The following ZFHX3 variants were observed in gnomAD, a reference collection of about 807,000 sequenced individuals.
ZFHX3 encodes the protein zinc finger homeobox 3.
Under a neutral mutation model 279.1 loss-of-function variants are expected in ZFHX3, and 42 were observed. The observed-to-expected ratio is 0.15, with a 90% CI of 0.12 to 0.19. ZFHX3 has a LOEUF of 0.19. ZFHX3 is among the 10% of genes least tolerant of loss of function. The pLI is 1.00. For missense variants in ZFHX3, 4,981 were observed against 4,754.0 expected (o/e 1.05, Z -1.40); for synonymous variants, 2,293 against 1,957.8 (o/e 1.17, Z -4.52).
intron 1 of ZFHX3, among the ~76,000 whole-genome samples, chr16:73,695,764 C>T (rs376604979): frequency 3.9e-5 from 6 of 152,296 alleles, no homozygotes; most frequent in Admixed American, 3.3e-4. Context: ...GCCTGGCTCA[C>T]AGCAGGTGCT....
intron 3 of ZFHX3, among the ~76,000 whole-genome samples, chr16:73,450,756 G>A (rs2143558435): frequency 6.6e-6 from 1 of 152,318 alleles, no homozygotes; most frequent in African/African-American, 2.4e-5. Context: ...TGCATTTGCA[G>A]ATTAACAGCT....
intron 1 of ZFHX3, among the ~76,000 whole-genome samples, chr16:73,830,655 C>A (rs1048079134): frequency 2.6e-5 from 4 of 152,204 alleles, no homozygotes; most frequent in Middle Eastern, 3.2e-3. Flanking sequence ...ATTTGCCTCT[C>A]TTCTCTTCTA....
chr16:72,803,311 G>A (rs531314429), intron 7 of ZFHX3, among the ~76,000 whole-genome samples: 18 of 152,224 alleles, frequency 1.2e-4, no homozygotes, highest in South Asian at 2.1e-4. Flanking sequence ...CAGCCTGGGC[G>A]ACAGAGTGAG....
intron 3 of ZFHX3, among the ~76,000 whole-genome samples, chr16:72,940,219 G>C (rs574890462): frequency 6.6e-6 from 1 of 152,096 alleles, no homozygotes; most frequent in East Asian, 1.9e-4. Flanking sequence ...AAGTTTTTTA[G>C]TAACACATTA....
At chr16:73,252,740 A>G (rs890569012) in intron 5 of ZFHX3, among the ~76,000 whole-genome samples, 3 of 152,176 alleles carry the variant, frequency 2.0e-5, no homozygotes, top group Non-Finnish European at 2.9e-5. Context: ...AGACGTCAGG[A>G]CAGGTTAAAG....
intron 1 of ZFHX3, among the ~76,000 whole-genome samples, chr16:73,817,547 G>A (rs1485662020): frequency 2.0e-5 from 3 of 152,186 alleles, no homozygotes; most frequent in Non-Finnish European, 2.9e-5. Context: ...GAGAGATTGG[G>A]AAGTTCAAGT....
chr16:73,746,239 A>G (rs1472302582), intron 1 of ZFHX3, among the ~76,000 whole-genome samples: 2 of 152,044 alleles, frequency 1.3e-5, no homozygotes, highest in Non-Finnish European at 2.9e-5. Flanking sequence ...GCTGAGCACT[A>G]TGTTACTCTT....
intron 1 of ZFHX3, among the ~76,000 whole-genome samples, chr16:73,834,053 G>A (rs902479532): frequency 6.6e-6 from 1 of 152,024 alleles, no homozygotes; most frequent in Admixed American, 6.5e-5. Flanking sequence ...GAAAGGAGGA[G>A]GGAGACATTA....
At chr16:73,558,649 G>A (rs2020322488) in intron 2 of ZFHX3, 1 of 152,126 alleles carries the variant, frequency 6.6e-6, no homozygotes, top group African/African-American at 2.4e-5. Flanking sequence ...CTCCAAGGAT[G>A]GGCTCTGCAT....
intron 4 of ZFHX3, among the ~76,000 whole-genome samples, chr16:72,836,057 A>C (rs1291121467): frequency 6.6e-6 from 1 of 152,236 alleles, no homozygotes; most frequent in East Asian, 1.9e-4. Flanking sequence ...TTTTAACGGA[A>C]CACAATCTGC....
intron 2 of ZFHX3, among the ~76,000 whole-genome samples, chr16:73,531,280 G>C (rs1023045983): frequency 6.6e-6 from 1 of 152,118 alleles, no homozygotes; most frequent in Admixed American, 6.5e-5. Context: ...AACCTTTCAG[G>C]TCAACGTCTT....
chr16:73,028,764 G>GCAGGGGCCCT (rs1964598221), intron 1 of ZFHX3, among the ~76,000 whole-genome samples: 1 of 147,960 alleles, frequency 6.8e-6, no homozygotes, highest in Admixed American at 6.7e-5. Flanking sequence ...GAAAAAGTGA[G>GCAGGGGCCCT]CAGGGGCCCT....
intron 1 of ZFHX3, among the ~76,000 whole-genome samples, chr16:72,970,486 G>A (rs945237478): frequency 6.6e-6 from 1 of 152,038 alleles, no homozygotes; most frequent in African/African-American, 2.4e-5. Context: ...GGCTTGACTG[G>A]TGCTCCTGAC....
At chr16:73,031,143 T>C (rs973217404) in intron 1 of ZFHX3, among the ~76,000 whole-genome samples, 1 of 152,234 alleles carries the variant, frequency 6.6e-6, no homozygotes, top group African/African-American at 2.4e-5. Flanking sequence ...AGACTAACAA[T>C]GGCACTTGGT....
At chr16:73,307,139 C>A (rs990220031) in intron 4 of ZFHX3, among the ~76,000 whole-genome samples, 1 of 152,170 alleles carries the variant, frequency 6.6e-6, no homozygotes, top group Non-Finnish European at 1.5e-5. Flanking sequence ...TTCATACATC[C>A]CAACATGTTT....
chr16:73,511,109 T>C (rs1357348080), intron 2 of ZFHX3, among the ~76,000 whole-genome samples: 1 of 152,214 alleles, frequency 6.6e-6, no homozygotes, highest in African/African-American at 2.4e-5. Context: ...CACCTGTAAG[T>C]TGGCTGGCTG....
chr16:73,652,322 A>G (rs1026522460), intron 2 of ZFHX3, among the ~76,000 whole-genome samples: 3 of 152,196 alleles, frequency 2.0e-5, no homozygotes, highest in African/African-American at 7.2e-5. Flanking sequence ...GGGAAAGAAA[A>G]ATAAGATGAG....
At chr16:73,326,472 C>T (rs1597285497) in intron 3 of ZFHX3, among the ~76,000 whole-genome samples, 1 of 152,138 alleles carries the variant, frequency 6.6e-6, no homozygotes, top group African/African-American at 2.4e-5. Context: ...AGAGGACGAA[C>T]CTTAAAAACA....
intron 2 of ZFHX3, among the ~76,000 whole-genome samples, chr16:73,541,759 C>T (rs2020016309): frequency 6.7e-6 from 1 of 149,386 alleles, no homozygotes. Flanking sequence ...CCAGCCCTGT[C>T]CTCCTGCCCT....
Sources: gnomAD v4.1 joint callset for allele counts (sites outside exome capture counted in the v4.1 genomes callset) on GRCh38, gnomAD v4.1.1 for gene constraint, MANE v1.5 for transcripts, NCBI Gene and HGNC (gene_info 2026-07-23, HGNC 2026-07-21) for gene names.